The following RBMS3 variants were observed in gnomAD, a reference collection of about 807,000 sequenced individuals.
RBMS3 encodes RNA-binding motif, single-stranded-interacting protein 3.
RBMS3 carries 27 observed loss-of-function variants against 66.8 expected under a neutral mutation model. The ratio of observed to expected loss-of-function variants is 0.40; its 90% confidence interval spans 0.30 to 0.56. RBMS3 has a LOEUF of 0.56. Among genes scored for constraint, RBMS3 ranks in the 20% least tolerant of loss-of-function variants. The probability of loss-of-function intolerance (pLI) is 0.40; values close to 1 mark genes in which losing one functional copy is unlikely to be tolerated. For missense variants in RBMS3, 513 were observed against 549.5 expected (o/e 0.93, Z 0.66); for synonymous variants, 188 against 183.0 (o/e 1.03, Z -0.22).
At chr3:29,516,649 C>G (rs555371558) in intron 3 of RBMS3, among the ~76,000 whole-genome samples, 35 of 152,030 alleles carry the variant, frequency 2.3e-4, no homozygotes, top group Non-Finnish European at 4.7e-4. Context: ...AATTCCTGGC[C>G]CCAAGCTATC....
chr3:29,820,492 C>T (rs2058051850), intron 6 of RBMS3, among the ~76,000 whole-genome samples: 1 of 151,836 alleles, frequency 6.6e-6, no homozygotes, highest in East Asian at 1.9e-4. Context: ...ATTTTATATG[C>T]TTTAACTTTG....
At chr3:29,358,670 A>G (rs981616598) in intron 1 of RBMS3, among the ~76,000 whole-genome samples, 1 of 152,162 alleles carries the variant, frequency 6.6e-6, no homozygotes, top group African/African-American at 2.4e-5. Flanking sequence ...GATTCTTCCT[A>G]TCCATGAACA....
At chr3:29,516,200 G>A (rs1413933981) in intron 3 of RBMS3, among the ~76,000 whole-genome samples, 1 of 152,208 alleles carries the variant, frequency 6.6e-6, no homozygotes, top group African/African-American at 2.4e-5. Flanking sequence ...TAGCCGAGGT[G>A]TGGAGAATCA....
At chr3:29,906,442 T>C (rs2060380186) in intron 10 of RBMS3, among the ~76,000 whole-genome samples, 1 of 152,022 alleles carries the variant, frequency 6.6e-6, no homozygotes, top group Admixed American at 6.6e-5. Flanking sequence ...CAAATCTAAT[T>C]CCATGGCAAC....
intron 3 of RBMS3, among the ~76,000 whole-genome samples, chr3:29,503,582 T>G (rs1317859487): frequency 6.6e-6 from 1 of 152,122 alleles, no homozygotes; most frequent in Non-Finnish European, 1.5e-5. Flanking sequence ...CTAATATAAC[T>G]GGATCCTGCT....
At chr3:29,550,347 A>T (rs1401142236) in intron 3 of RBMS3, among the ~76,000 whole-genome samples, 1 of 152,354 alleles carries the variant, frequency 6.6e-6, no homozygotes, top group East Asian at 1.9e-4. Flanking sequence ...AGGATGCTCA[A>T]TTAAATTTGA....
intron 10 of RBMS3, among the ~76,000 whole-genome samples, chr3:29,925,464 G>A (rs1225209951): frequency 1.3e-5 from 2 of 152,236 alleles, no homozygotes; most frequent in East Asian, 3.9e-4. Flanking sequence ...GATTTTATGG[G>A]TAAAGGCAGA....
chr3:29,834,887 A>C (rs1261087720), intron 6 of RBMS3, among the ~76,000 whole-genome samples: 1 of 152,024 alleles, frequency 6.6e-6, no homozygotes, highest in Non-Finnish European at 1.5e-5. Flanking sequence ...CTACTGTCCA[A>C]AAACTCACTT....
intron 11 of RBMS3, among the ~76,000 whole-genome samples, chr3:29,940,134 C>G (rs1196122700): frequency 2.0e-5 from 3 of 151,908 alleles, no homozygotes; most frequent in African/African-American, 7.2e-5. Flanking sequence ...TGGTCAAATA[C>G]ATTCTTTCTT....
intron 3 of RBMS3, among the ~76,000 whole-genome samples, chr3:29,498,808 C>A (rs1034285707): frequency 6.6e-6 from 1 of 152,176 alleles, no homozygotes; most frequent in African/African-American, 2.4e-5. Flanking sequence ...TTGTTTAGAG[C>A]TTGTATGTAA....
chr3:29,414,394 C>T (rs1380819638), intron 1 of RBMS3, among the ~76,000 whole-genome samples: 1 of 152,174 alleles, frequency 6.6e-6, no homozygotes. Flanking sequence ...AAAATAACCA[C>T]CAAGGTCTTT....
intron 4 of RBMS3, chr3:29,730,824 A>G: frequency 5.3e-6 from 5 of 949,724 alleles, no homozygotes; most frequent in Non-Finnish European, 6.3e-6. Context: ...ATATGGTAAT[A>G]TATTAAAATA....
chr3:29,734,497 T>C (rs2054290285), intron 4 of RBMS3, among the ~76,000 whole-genome samples: 1 of 152,120 alleles, frequency 6.6e-6, no homozygotes, highest in Non-Finnish European at 1.5e-5. Context: ...TATATCAAAA[T>C]ATCACTTTGC....
chr3:29,869,848 T>G (rs1048725969), intron 7 of RBMS3, among the ~76,000 whole-genome samples: 11 of 152,180 alleles, frequency 7.2e-5, no homozygotes, highest in African/African-American at 2.7e-4. Flanking sequence ...CTTCATCCAT[T>G]TATCATTTAA....
At chr3:29,587,055 GT>G in intron 3 of RBMS3, 58 bp from the exon 4 acceptor site, 1 of 1,317,290 alleles carries the variant, frequency 7.6e-7, no homozygotes, top group Non-Finnish European at 1.1e-6. Context: ...TACTTCATCA[GT>G]GAAGATAGAG....
chr3:29,629,721 T>A (rs991666294), intron 4 of RBMS3, among the ~76,000 whole-genome samples: 1 of 152,026 alleles, frequency 6.6e-6, no homozygotes, highest in African/African-American at 2.4e-5. Flanking sequence ...AATAATTGAT[T>A]TTATTTTATG....
chr3:29,982,127 C>T (rs532487811), intron 12 of RBMS3, among the ~76,000 whole-genome samples: 77 of 152,060 alleles, frequency 5.1e-4, no homozygotes, highest in Admixed American at 7.9e-4. Context: ...TTCAGGGATT[C>T]GACTTCTTCC....
chr3:29,909,061 G>T (rs1056572796), intron 10 of RBMS3, among the ~76,000 whole-genome samples: 1 of 152,076 alleles, frequency 6.6e-6, no homozygotes, highest in Admixed American at 6.6e-5. Context: ...TACACAAAAA[G>T]TATGGGAGGA....
intron 1 of RBMS3, among the ~76,000 whole-genome samples, chr3:29,363,647 G>C (rs1420595088): frequency 1.3e-5 from 2 of 152,002 alleles, no homozygotes; most frequent in Non-Finnish European, 2.9e-5. Context: ...AAAATTAGCC[G>C]AGTGTTGTGG....
Sources: allele counts gnomAD v4.1 joint callset (sites outside exome capture counted in the v4.1 genomes callset), GRCh38; gene constraint gnomAD v4.1.1; transcripts MANE v1.5; gene names NCBI Gene and HGNC (gene_info 2026-07-23, HGNC 2026-07-21).